SYNPR: variants seen among roughly 807,000 people sequenced by gnomAD.
SYNPR encodes synaptoporin.
Under a neutral mutation model 32.9 loss-of-function variants are expected in SYNPR, and 23 were observed. That is an observed-to-expected ratio of 0.70 (90% CI 0.50 to 0.99). The LOEUF is 0.99. SYNPR is among the 50% of genes least tolerant of loss of function. The pLI is 0.00. For synonymous variants in SYNPR, 146 were observed against 135.9 expected, an observed-to-expected ratio of 1.07 and a Z score of -0.52; for missense variants, 318 against 349.3, an observed-to-expected ratio of 0.91 and a Z score of 0.71.
intron 2 of SYNPR, among the ~76,000 whole-genome samples, chr3:63,264,818 G>T (rs945642052): frequency 6.6e-6 from 1 of 152,110 alleles, no homozygotes; most frequent in Non-Finnish European, 1.5e-5. Context: ...GTGGAAGGAC[G>T]GAGTGAGGGC....
intron 4 of SYNPR, among the ~76,000 whole-genome samples, chr3:63,576,110 T>C (rs1702975296): frequency 6.6e-6 from 1 of 152,132 alleles, no homozygotes; most frequent in South Asian, 2.1e-4. Context: ...CACTGTAATA[T>C]ACTGTGCTTT....
chr3:63,299,542 T>C (rs1158754826), intron 2 of SYNPR, among the ~76,000 whole-genome samples: 4 of 152,060 alleles, frequency 2.6e-5, no homozygotes, highest in Admixed American at 6.6e-5. Flanking sequence ...AGAGAGAAAA[T>C]GGCTACCTCA....
intron 2 of SYNPR, among the ~76,000 whole-genome samples, chr3:63,397,966 A>G (rs1173168801): frequency 6.6e-6 from 1 of 152,236 alleles, no homozygotes; most frequent in African/African-American, 2.4e-5. Context: ...TACTCACGAT[A>G]TAATGGGAAA....
intron 5 of SYNPR, among the ~76,000 whole-genome samples, chr3:63,614,847 G>A (rs1025504294): frequency 2.6e-5 from 4 of 152,322 alleles, no homozygotes; most frequent in Admixed American, 6.5e-5. Flanking sequence ...AATAAGTGAT[G>A]CCTTAAGTAA....
intron 2 of SYNPR, among the ~76,000 whole-genome samples, chr3:63,327,697 T>C (rs1372291568): frequency 1.3e-5 from 2 of 152,128 alleles, no homozygotes; most frequent in Non-Finnish European, 2.9e-5. Flanking sequence ...GACAGTACAA[T>C]ATATAATTCA....
intron 2 of SYNPR, among the ~76,000 whole-genome samples, chr3:63,453,479 G>T (rs1700420170): frequency 6.6e-6 from 1 of 152,018 alleles, no homozygotes; most frequent in African/African-American, 2.4e-5. Context: ...CCAAAAATAG[G>T]GTGTCATAAT....
chr3:63,379,204 A>T (rs535040669), intron 2 of SYNPR, among the ~76,000 whole-genome samples: 1 of 152,126 alleles, frequency 6.6e-6, no homozygotes, highest in East Asian at 1.9e-4. Context: ...GTTTTGTTTT[A>T]TGGCCTTGGA....
intron 2 of SYNPR, among the ~76,000 whole-genome samples, chr3:63,392,523 G>C (rs866658091): frequency 6.6e-6 from 1 of 152,080 alleles, no homozygotes; most frequent in East Asian, 1.9e-4. Flanking sequence ...TCCTCATAAG[G>C]CTGCTGTGAG....
Position 63,386,709 on chromosome 3 carries a change from C to A in SYNPR, c.85-94123C>A, listed in dbSNP as rs551407626. Among the ~76,000 whole-genome samples the A allele has an allele frequency of 2.0e-4, 30 of 152,198 alleles. 2 individuals are homozygous for A. In the South Asian group the frequency reaches 6.2e-3, roughly 32 times the overall value. ...ATGAGCCTCAGTTCTGGGTGAATGACCTCAGATCAGCCTCCAGGGGAGGAG... is the reference window on the plus strand; with the variant it reads ...ATGAGCCTCAGTTCTGGGTGAATGAACTCAGATCAGCCTCCAGGGGAGGAG... On this transcript the variant is annotated intron_variant, in intron 2 of 5. Transcript: ENST00000478300.
chr3:63,271,799 T>C (rs2086537369), intron 3 of SYNPR, among the ~76,000 whole-genome samples: 2 of 152,050 alleles, frequency 1.3e-5, no homozygotes, highest in Non-Finnish European at 2.9e-5. Flanking sequence ...TTATATAGCA[T>C]CTATATATAT....
chr3:63,547,247 C>G (rs1457690853), intron 3 of SYNPR, among the ~76,000 whole-genome samples: 1 of 152,132 alleles, frequency 6.6e-6, no homozygotes. Context: ...CAGATCTACT[C>G]TCTCTATTCC....
intron 4 of SYNPR, among the ~76,000 whole-genome samples, chr3:63,600,391 G>A (rs1247282958): frequency 1.3e-5 from 2 of 152,168 alleles, no homozygotes; most frequent in Non-Finnish European, 2.9e-5. Flanking sequence ...AGCTGGGTTT[G>A]GCCAGTGGGG....
chr3:63,430,421 T>A (rs891436908), intron 2 of SYNPR, among the ~76,000 whole-genome samples: 1 of 151,956 alleles, frequency 6.6e-6, no homozygotes, highest in African/African-American at 2.4e-5. Context: ...GAAATTGTGT[T>A]CTTGTTTGGA....
intron 2 of SYNPR, among the ~76,000 whole-genome samples, chr3:63,360,580 A>T (rs1191589784): frequency 6.6e-6 from 1 of 152,112 alleles, no homozygotes; most frequent in Admixed American, 6.5e-5. Context: ...CACTAGCTAC[A>T]TCTCCAAACT....
chr3:63,210,116 G>A, the SYNPR span, among the ~76,000 whole-genome samples: 1 of 152,154 alleles, frequency 6.6e-6, no homozygotes. Flanking sequence ...ACTAAATTAA[G>A]AGTGTTAGTT....
intron 2 of SYNPR, among the ~76,000 whole-genome samples, chr3:63,378,616 T>C (rs1177769784): frequency 6.6e-6 from 1 of 152,030 alleles, no homozygotes; most frequent in Non-Finnish European, 1.5e-5. Flanking sequence ...TGTTTCAACA[T>C]TGTTTTAGTT....
chr3:63,461,655 A>G (rs1025771237), intron 2 of SYNPR, among the ~76,000 whole-genome samples: 1 of 151,710 alleles, frequency 6.6e-6, no homozygotes, highest in Non-Finnish European at 1.5e-5. Flanking sequence ...CTTTACTTCA[A>G]TGTATGGATG....
intron 3 of SYNPR, among the ~76,000 whole-genome samples, chr3:63,510,915 C>CTGTGTGTGTGTGTGTGTG (rs755622968): frequency 0.028 from 4,240 of 149,138 alleles, 69 homozygotes; most frequent in East Asian, 0.066. Context: ...AAAGGTACAA[C>CTGTGTGTGTGTGTGTGTG]TGTGTGTGTG....
chr3:63,307,059 A>G (rs763706931), intron 2 of SYNPR, among the ~76,000 whole-genome samples: 1 of 152,074 alleles, frequency 6.6e-6, no homozygotes, highest in Non-Finnish European at 1.5e-5. Context: ...TTTTCTCAAT[A>G]TACTCATGTA....
Sources: allele counts gnomAD v4.1 joint callset (sites outside exome capture counted in the v4.1 genomes callset), GRCh38; gene constraint gnomAD v4.1.1; transcripts MANE v1.5; gene names NCBI Gene and HGNC (gene_info 2026-07-23, HGNC 2026-07-21).